The following LHFPL3 variants were observed in gnomAD, a reference collection of about 807,000 sequenced individuals.
LHFPL3 encodes the protein LHFPL tetraspan subfamily member 3.
LHFPL3 carries 5 observed loss-of-function variants against 19.3 expected under a neutral mutation model. That is an observed-to-expected ratio of 0.26 (90% CI 0.14 to 0.54). The LOEUF is 0.54. Among genes scored for constraint, LHFPL3 ranks in the 20% least tolerant of loss-of-function variants. LHFPL3 has a pLI of 0.94. For missense variants in LHFPL3, 249 were observed against 307.4 expected, an observed-to-expected ratio of 0.81 and a Z score of 1.42; for synonymous variants, 133 against 126.2, an observed-to-expected ratio of 1.05 and a Z score of -0.36.
chr7:104,618,835 G>A (rs1239058280), intron 1 of LHFPL3, among the ~76,000 whole-genome samples: 2 of 152,202 alleles, frequency 1.3e-5, no homozygotes, highest in Non-Finnish European at 2.9e-5. Flanking sequence ...TCCCTTAATG[G>A]TAGTGCTGGG....
Position 104,736,852 on chromosome 7 carries a change from T to G in LHFPL3, c.623T>G (p.Phe208Cys), listed in dbSNP as rs1057087691. ...GCCCTGATCCTCTCATTTCTAGCAT[T>G]TGTGCTTGGTAATCGACAAGACAGC... ...LDALILSFLA[F>C]VLGNRQDSLM... The change falls in exon 2 of 3, where the codon TTT becomes TGT. Residue 208 changes from phenylalanine (F) to cysteine (C), a missense_variant. By Grantham distance (205) the Phe-to-Cys change is radical (BLOSUM62 -2). Coordinates refer to ENST00000424859, the MANE Select transcript of LHFPL3 (RefSeq NM_199000.3). 1 of 1,612,636 alleles carries G rather than the reference T, an allele frequency of 6.2e-7. No individual in the cohort carries two copies. Among genetic ancestry groups the G allele is most frequent in the Non-Finnish European group, 8.5e-7 (1 of 1,179,422 alleles).
chr7:104,351,201 C>G (rs919656153), intron 1 of LHFPL3, among the ~76,000 whole-genome samples: 5 of 152,106 alleles, frequency 3.3e-5, no homozygotes, highest in African/African-American at 1.2e-4. Context: ...TGGTTAGTAC[C>G]ATGTAAATTG....
intron 1 of LHFPL3, among the ~76,000 whole-genome samples, chr7:104,415,174 A>G (rs73179933): frequency 0.066 from 10,027 of 152,264 alleles, 354 homozygotes; most frequent in Middle Eastern, 0.1. Flanking sequence ...AAGGACACCT[A>G]CCTACTCAAG....
chr7:104,786,028 T>C (rs367832879), intron 2 of LHFPL3, among the ~76,000 whole-genome samples: 9 of 152,220 alleles, frequency 5.9e-5, no homozygotes, highest in African/African-American at 1.9e-4. Flanking sequence ...ACTGTGTCCA[T>C]GTCAGACCCT....
chr7:104,633,972 G>A (rs750402302), intron 1 of LHFPL3, among the ~76,000 whole-genome samples: 13 of 152,136 alleles, frequency 8.5e-5, no homozygotes, highest in South Asian at 4.1e-4. Context: ...CTTTGGTAGC[G>A]TCAACCACCT....
intron 2 of LHFPL3, among the ~76,000 whole-genome samples, chr7:104,857,154 G>A (rs1464377809): frequency 6.6e-6 from 1 of 152,164 alleles, no homozygotes; most frequent in Non-Finnish European, 1.5e-5. Context: ...AGCTCAGTGA[G>A]CCTATTTGAC....
chr7:104,582,930 C>T lies in LHFPL3; in HGVS notation c.446-153745C>T, dbSNP rs187769729. ...GTACCTGGTCTGGCACTTCTGGAGA[C>T]ATTTCAGAAAGTATCTGAATAGATG... On this transcript the variant is annotated intron_variant, in intron 1 of 2. Transcript: ENST00000424859. 2.6e-3 allele frequency among the ~76,000 whole-genome samples: 399 copies of T among 151,954 alleles called. 4 individuals are homozygous for T. Among genetic ancestry groups the T allele is most frequent in the African/African-American group, 9.1e-3 (378 of 41,468 alleles).
At chr7:104,835,760 TATTA>T (rs1407320442) in intron 2 of LHFPL3, among the ~76,000 whole-genome samples, 1 of 118,774 alleles carries the variant, frequency 8.4e-6, no homozygotes, top group African/African-American at 2.6e-5. Context: ...GTTAAATTAT[TATTA>T]TTTTTTTTTA....
intron 1 of LHFPL3, among the ~76,000 whole-genome samples, chr7:104,451,991 C>T (rs1379584445): frequency 6.6e-6 from 1 of 152,074 alleles, no homozygotes; most frequent in Non-Finnish European, 1.5e-5. Context: ...GGTGATCTGC[C>T]TGCCTTGGAC....
At chr7:104,784,059 G>A (rs142343530) in intron 2 of LHFPL3, among the ~76,000 whole-genome samples, 31 of 152,316 alleles carry the variant, frequency 2.0e-4, no homozygotes, top group African/African-American at 7.2e-4. Flanking sequence ...TGCTGGTGAT[G>A]TGTAAGAATG....
intron 1 of LHFPL3, among the ~76,000 whole-genome samples, chr7:104,498,496 G>GT (rs35269120): frequency 0.15 from 20,380 of 134,784 alleles, 1,651 homozygotes; most frequent in Middle Eastern, 0.21. Context: ...TGGAAGCAAT[G>GT]TTTTTTTTTT....
chr7:104,824,862 A>G (rs1299390270), intron 2 of LHFPL3, among the ~76,000 whole-genome samples: 1 of 134,096 alleles, frequency 7.5e-6, no homozygotes, highest in Non-Finnish European at 1.5e-5. Flanking sequence ...ATAATTATAT[A>G]TATTATCTAA....
At chr7:104,837,765 A>AACTC (rs1791125627) in intron 2 of LHFPL3, among the ~76,000 whole-genome samples, 1 of 152,158 alleles carries the variant, frequency 6.6e-6, no homozygotes, top group South Asian at 2.1e-4. Flanking sequence ...GCCAACTTTA[A>AACTC]ACTCAGTCTA....
chr7:104,443,042 G>A (rs1792257715), intron 1 of LHFPL3, among the ~76,000 whole-genome samples: 1 of 152,176 alleles, frequency 6.6e-6, no homozygotes, highest in Non-Finnish European at 1.5e-5. Flanking sequence ...TCTTGGAAGA[G>A]TACCAATAGT....
chr7:104,677,473 ATATGT>A (rs1369244418), intron 1 of LHFPL3, among the ~76,000 whole-genome samples: 1 of 152,146 alleles, frequency 6.6e-6, no homozygotes, highest in African/African-American at 2.4e-5. Flanking sequence ...AAATCAACCA[ATATGT>A]TATGTTCATC....
At chr7:104,511,152 T>G (rs1349825146) in intron 1 of LHFPL3, among the ~76,000 whole-genome samples, 1 of 151,954 alleles carries the variant, frequency 6.6e-6, no homozygotes, top group East Asian at 1.9e-4. Flanking sequence ...AATTAGAAAA[T>G]GGACAAAAGA....
At position 104,873,758 on chromosome 7, in the gene LHFPL3, T is replaced by C. The variant is rs1048475987; in HGVS notation, c.683-32429T>C. 6.6e-5 allele frequency among the ~76,000 whole-genome samples: 10 copies of C among 152,244 alleles called. 1 individual carries two copies. Among genetic ancestry groups the C allele is most frequent in the African/African-American group, 1.9e-4 (8 of 41,464 alleles). The stretch of plus-strand genomic sequence containing the variant: ...GTCTGTATACATTTCCAATGGGATT[T>C]TGGGTACTAACTGCAAACTGGCGTC... On this transcript the variant is annotated intron_variant, in intron 2 of 2. Coordinates refer to ENST00000424859, the MANE Select transcript of LHFPL3 (RefSeq NM_199000.3).
intron 1 of LHFPL3, among the ~76,000 whole-genome samples, chr7:104,360,484 G>C (rs1409568506): frequency 6.6e-6 from 1 of 152,150 alleles, no homozygotes; most frequent in Non-Finnish European, 1.5e-5. Context: ...GGAGGAAACT[G>C]AGCAGGTGAA....
chr7:104,767,187 G>A (rs564460742), intron 2 of LHFPL3, among the ~76,000 whole-genome samples: 1 of 152,342 alleles, frequency 6.6e-6, no homozygotes, highest in South Asian at 2.1e-4. Flanking sequence ...CTAGGTTAGT[G>A]CCCTTGGTGA....
Sources: gnomAD v4.1 joint callset for allele counts (sites outside exome capture counted in the v4.1 genomes callset) on GRCh38, gnomAD v4.1.1 for gene constraint, MANE v1.5 for transcripts, NCBI Gene and HGNC (gene_info 2026-07-23, HGNC 2026-07-21) for gene names.